The following DYSF variants were observed in gnomAD, a reference collection of about 807,000 sequenced individuals.
DYSF encodes the protein dysferlin.
In DYSF, 212 loss-of-function variants were observed where a neutral mutation model predicts 274.9. The observed-to-expected ratio is 0.77, with a 90% CI of 0.69 to 0.86. The LOEUF is 0.86. Among genes scored for constraint, DYSF ranks in the 40% least tolerant of loss-of-function variants. DYSF has a pLI of 0.00. For missense variants in DYSF, 2,666 were observed against 2,783.2 expected (o/e 0.96, Z 0.95); for synonymous variants, 1,091 against 1,078.7 (o/e 1.01, Z -0.22).
Position 71,620,547 on chromosome 2 carries a change from C to T in DYSF, c.4465C>T (p.Leu1489Phe). Residue 1489 changes from leucine to phenylalanine, a missense_variant and splice_region_variant, in exon 41 of 56, where the codon CTT (leucine) becomes TTT (phenylalanine). Coordinates refer to ENST00000410020, the MANE Select transcript of DYSF (RefSeq NM_001130987.2). ...DDKEPLIPIQ[L>F]ADGLSSLAPT... ...GCTAACCAGCATGTTTCATTTGTAG[C>T]TTGCAGACGGTCTGTCGAGCTTGGC... 1 of 1,551,738 alleles carries T rather than the reference C, an allele frequency of 6.4e-7. No individual in the cohort carries two copies. Among genetic ancestry groups the T allele is most frequent in the East Asian group, 2.4e-5 (1 of 40,912 alleles).
intron 22 of DYSF, among the ~76,000 whole-genome samples, chr2:71,559,534 C>T (rs2091577345): frequency 6.6e-6 from 1 of 152,216 alleles, no homozygotes; most frequent in Non-Finnish European, 1.5e-5. Flanking sequence ...CCTTTCTGTC[C>T]CCACCACCTG....
Position 71,503,173 on chromosome 2 carries a change from C to T in DYSF, c.240-41C>T, listed in dbSNP as rs758844689. 1.9e-6 allele frequency: 3 copies of T among 1,592,774 alleles called. No individual in the cohort carries two copies. In the African/African-American group the frequency reaches 4.0e-5, roughly 21 times the overall value. ...GGGTCTGGCAGAAGAGCCAGGGTGC[C>T]TTAGGCTAGTTTTCTACATTTGACT... On this transcript the variant is annotated intron_variant, in intron 3 of 55. Coordinates refer to ENST00000410020, the MANE Select transcript of DYSF (RefSeq NM_001130987.2).
At chr2:71,559,222 C>T (rs963597279) in intron 22 of DYSF, among the ~76,000 whole-genome samples, 12 of 152,222 alleles carry the variant, frequency 7.9e-5, no homozygotes, top group Non-Finnish European at 1.5e-4. Context: ...CCAGCACCTC[C>T]GTGCTGCGTC....
At chr2:71,664,880 C>A (rs1295112712) in intron 46 of DYSF, among the ~76,000 whole-genome samples, 2 of 152,214 alleles carry the variant, frequency 1.3e-5, no homozygotes, top group Non-Finnish European at 2.9e-5. Flanking sequence ...ACCCCTCTTC[C>A]CACCATCTCA....
intron 51 of DYSF, among the ~76,000 whole-genome samples, chr2:71,672,464 A>G (rs570841635): frequency 3.9e-5 from 6 of 152,316 alleles, no homozygotes; most frequent in African/African-American, 1.4e-4. Flanking sequence ...GTCGTAAAGT[A>G]CAAGGTCTCC....
intron 42 of DYSF, among the ~76,000 whole-genome samples, chr2:71,653,849 T>A (rs1478947092): frequency 1.4e-5 from 2 of 141,118 alleles, no homozygotes; most frequent in South Asian, 2.4e-4. Flanking sequence ...ATAAAAAAAA[T>A]TTCTGATATG....
At chr2:71,515,582 C>A in intron 7 of DYSF, 41 bp from the exon 8 acceptor site, 2 of 1,613,872 alleles carry the variant, frequency 1.2e-6, no homozygotes, top group East Asian at 2.2e-5. Flanking sequence ...GTCCTTAACT[C>A]TTCCCCCTTC....
At chr2:71,539,456 G>T (rs2089712169) in intron 17 of DYSF, among the ~76,000 whole-genome samples, 1 of 152,136 alleles carries the variant, frequency 6.6e-6, no homozygotes, top group African/African-American at 2.4e-5. Context: ...GCCACTGAAG[G>T]GCACAAAGAG....
intron 51 of DYSF, among the ~76,000 whole-genome samples, chr2:71,671,474 G>A (rs2095120472): frequency 6.6e-6 from 1 of 152,250 alleles, no homozygotes; most frequent in Admixed American, 6.5e-5. Flanking sequence ...CACCCCCAGG[G>A]CTCACCTACA....
chr2:71,552,350 C>T (rs1405010262), intron 19 of DYSF, among the ~76,000 whole-genome samples: 1 of 152,212 alleles, frequency 6.6e-6, no homozygotes, highest in African/African-American at 2.4e-5. Flanking sequence ...TCTCATAAGA[C>T]AGTTGTGGGA....
Position 71,478,463 on chromosome 2 carries a change from A to C in DYSF, c.92-2420A>C, listed in dbSNP as rs148021611. Among the ~76,000 whole-genome samples, 649 of 152,156 alleles carry C rather than the reference A, an allele frequency of 4.3e-3. 2 individuals carry two copies. The highest frequency in any genetic ancestry group is 7.7e-3 in the Non-Finnish European group (523 of 67,994). On this transcript the variant is annotated intron_variant, in intron 1 of 55. Transcript: ENST00000410020. Reference sequence around the variant, plus strand: ...CCTGGTCTCGTGATCCACCCACCTCAGCCTCCCAGAGTGCTGGGATTACAG... The same window carrying C: ...CCTGGTCTCGTGATCCACCCACCTCCGCCTCCCAGAGTGCTGGGATTACAG...
intron 1 of DYSF, among the ~76,000 whole-genome samples, chr2:71,469,944 A>G (rs572172118): frequency 3.3e-5 from 5 of 152,328 alleles, no homozygotes; most frequent in African/African-American, 1.2e-4. Flanking sequence ...AGTTCATTGA[A>G]CAAATATTTA....
In DYSF at chr2:71,646,477, C is replaced by T. The variant is rs143116138; in HGVS notation, c.4626+2414C>T. 9.6e-3 allele frequency among the ~76,000 whole-genome samples: 1,464 copies of T among 152,272 alleles called. 10 individuals are homozygous for T. Among genetic ancestry groups the T allele is most frequent in the Middle Eastern group, 0.037 (11 of 294 alleles). On this transcript the variant is annotated intron_variant, in intron 42 of 55. Transcript: ENST00000410020. ...GGGGGAAAACTAGACCTGGAAGGAA[C>T]GCTGGTTCTTTAAAGATAAGTAAAT...
chr2:71,520,543 C>T (rs568964388), intron 11 of DYSF, among the ~76,000 whole-genome samples: 1 of 152,332 alleles, frequency 6.6e-6, no homozygotes, highest in African/African-American at 2.4e-5. Flanking sequence ...TGGTCACTTC[C>T]TGAAGGGGAG....
chr2:71,620,563 C>A lies in DYSF; in HGVS notation c.4481C>A (p.Ser1494Ter). ...LIPIQLADGL[S>*]SLAPTNTASP... ...CATTTGTAGCTTGCAGACGGTCTGTCGAGCTTGGCCCCCACTAACACGGCT... is the reference window on the plus strand; with the variant it reads ...CATTTGTAGCTTGCAGACGGTCTGTAGAGCTTGGCCCCCACTAACACGGCT... The change falls in exon 41 of 56, where the codon TCG becomes TAG. Residue 1494 changes from serine to a stop codon, truncating the protein, a stop_gained. Coordinates refer to ENST00000410020, the MANE Select transcript of DYSF (RefSeq NM_001130987.2). LOFTEE classifies it high-confidence loss of function. 6.4e-7 allele frequency: 1 copy of A among 1,551,624 alleles called. No individual in the cohort carries two copies. The highest frequency in any genetic ancestry group is 8.7e-7 in the Non-Finnish European group (1 of 1,146,988).
At chr2:71,585,492 T>A (rs1228893137) in intron 30 of DYSF, among the ~76,000 whole-genome samples, 5 of 152,186 alleles carry the variant, frequency 3.3e-5, no homozygotes, top group African/African-American at 7.2e-5. Flanking sequence ...GTTCCCAGAT[T>A]GGGTTTTCAA....
chr2:71,518,520 C>T (rs1298795719), intron 10 of DYSF, among the ~76,000 whole-genome samples: 1 of 151,370 alleles, frequency 6.6e-6, no homozygotes, highest in Non-Finnish European at 1.5e-5. Context: ...CTACCTTGGC[C>T]TCCCAAAGTG....
chr2:71,496,839 A>G (rs1423412743), intron 3 of DYSF, among the ~76,000 whole-genome samples: 3 of 152,210 alleles, frequency 2.0e-5, no homozygotes, highest in African/African-American at 7.2e-5. Context: ...GGGCCAGGTC[A>G]AATGTATAGA....
At chr2:71,571,689 G>C (rs1301779534) in intron 29 of DYSF, among the ~76,000 whole-genome samples, 2 of 120,042 alleles carry the variant, frequency 1.7e-5, no homozygotes, top group Non-Finnish European at 1.7e-5. Context: ...ATCACACCCA[G>C]CACATGCACA....
Sources: gnomAD v4.1 joint callset for allele counts (sites outside exome capture counted in the v4.1 genomes callset) on GRCh38, gnomAD v4.1.1 for gene constraint, MANE v1.5 for transcripts, NCBI Gene and HGNC (gene_info 2026-07-23, HGNC 2026-07-21) for gene names.